Variants in PHF6 observed in about 807,000 individuals in gnomAD.
The protein encoded by PHF6 is PHD finger protein 6.
In PHF6, 7 loss-of-function variants were observed where a neutral mutation model predicts 34.0. The ratio of observed to expected loss-of-function variants is 0.21; its 90% CI spans 0.12 to 0.39. The LOEUF (loss-of-function observed/expected upper bound fraction) is 0.39. PHF6 is among the 10% of genes least tolerant of loss of function. PHF6 has a pLI of 1.00. For synonymous variants in PHF6, 89 were observed against 88.4 expected, an observed-to-expected ratio of 1.01 and a Z score of -0.04; for missense variants, 128 against 262.8, an observed-to-expected ratio of 0.49 and a Z score of 3.55.
At chrX:134,389,951 G>A (rs1472859797) in intron 3 of PHF6, among the ~76,000 whole-genome samples, 2 of 111,371 alleles carry the variant, frequency 1.8e-5, no homozygotes, top group Non-Finnish European at 3.8e-5. Flanking sequence ...ACTTTGTAAG[G>A]CACAGTGTTA....
At chrX:134,375,661 T>C (rs1310147735) in intron 1 of PHF6, among the ~76,000 whole-genome samples, 4 of 111,999 alleles carry the variant, frequency 3.6e-5, no homozygotes, top group South Asian at 3.7e-4. Flanking sequence ...TACATTATTA[T>C]GGTGATTTCA....
At chrX:134,396,834 G>A (rs2077379419) in intron 5 of PHF6, among the ~76,000 whole-genome samples, 1 of 107,316 alleles carries the variant, frequency 9.3e-6, no homozygotes, top group South Asian at 4.1e-4. Context: ...TTTATGATGG[G>A]AGGTTATAGG....
chrX:134,402,507 T>G (rs1179671385), intron 5 of PHF6, among the ~76,000 whole-genome samples: 1 of 111,842 alleles, frequency 8.9e-6, no homozygotes, highest in Non-Finnish European at 1.9e-5. Flanking sequence ...TGGGACAAAT[T>G]ATTTGATCGC....
chrX:134,397,078 T>C (rs981551094), intron 5 of PHF6, among the ~76,000 whole-genome samples: 7 of 110,544 alleles, frequency 6.3e-5, no homozygotes, highest in Admixed American at 1.9e-4. Context: ...TTTTGAAATA[T>C]TAAATTTGAG....
intron 9 of PHF6, among the ~76,000 whole-genome samples, chrX:134,421,161 A>AGAG (rs778948532): frequency 1.1e-4 from 12 of 111,704 alleles, no homozygotes; most frequent in African/African-American, 3.9e-4. Flanking sequence ...AAAGACATGC[A>AGAG]GAGGAAAGCA....
chrX:134,425,095 G>A (rs968838205), intron 9 of PHF6, 106 bp from the exon 10 acceptor site: 6 of 993,348 alleles, frequency 6.0e-6, no homozygotes, highest in Non-Finnish European at 8.5e-6. Flanking sequence ...GTGTGGATGA[G>A]GAAACCCATG....
chrX:134,387,792 G>T (rs2077338276), intron 3 of PHF6, among the ~76,000 whole-genome samples: 1 of 111,494 alleles, frequency 9.0e-6, no homozygotes, highest in Non-Finnish European at 1.9e-5. Context: ...GTTAAATCTA[G>T]TAAAAATTTA....
rs981119234 is a variant in PHF6 at position 134,373,371 on chromosome X, G to C, written c.-143G>C. On this transcript the variant is annotated 5_prime_UTR_variant, in exon 1 of 11. Coordinates refer to ENST00000370803, the MANE Select transcript of PHF6 (RefSeq NM_001015877.2). ...AAAGGAAACAACCTCCGGCGACAGA[G>C]CCCCGCTCTCAGGCACTGCTGGAGA... 1 of 112,908 alleles carries C rather than the reference G, an allele frequency of 8.9e-6. No homozygotes were observed. 9.3% of individuals were successfully genotyped at this position (112,908 alleles called of 1,213,427 possible).
At position 134,426,758 on chromosome X, in the gene PHF6, G is replaced by A. The variant is rs1343844353; in HGVS notation, c.*1098G>A. 2 of 160,239 alleles carry A rather than the reference G, an allele frequency of 1.2e-5. No homozygotes were observed. Among genetic ancestry groups the A allele is most frequent in the Admixed American group, 1.7e-4 (2 of 12,051 alleles). 13.2% of individuals were successfully genotyped at this position (160,239 alleles called of 1,213,427 possible). On this transcript the variant is annotated 3_prime_UTR_variant, in exon 11 of 11. Coordinates refer to ENST00000370803, the MANE Select transcript of PHF6 (RefSeq NM_001015877.2). ...GCCTAAGAACCCAGCTTTTTAGAAAGGATTTTCACACTGGCATTTCTAGGT... is the reference window on the plus strand; with the variant it reads ...GCCTAAGAACCCAGCTTTTTAGAAAAGATTTTCACACTGGCATTTCTAGGT...
chrX:134,381,851 C>G (rs1031570698), intron 3 of PHF6, among the ~76,000 whole-genome samples: 1 of 111,276 alleles, frequency 9.0e-6, no homozygotes, highest in Non-Finnish European at 1.9e-5. Context: ...TCCTGTTCAT[C>G]TGGATTTCTA....
intron 2 of PHF6, 107 bp downstream of exon 2, chrX:134,377,862 C>G: frequency 9.8e-7 from 1 of 1,019,258 alleles, no homozygotes; most frequent in Non-Finnish European, 1.4e-6. Context: ...AAAAAAAACT[C>G]AGTTAAATTT....
At chrX:134,377,981 A>G in intron 2 of PHF6, 24 bp from the exon 3 acceptor site, 2 of 1,103,119 alleles carry the variant, frequency 1.8e-6, no homozygotes, top group Non-Finnish European at 2.5e-6. Flanking sequence ...ATGAACCTTA[A>G]TTTTTTTTAA....
At chrX:134,404,974 G>A (rs899284626) in intron 5 of PHF6, among the ~76,000 whole-genome samples, 1 of 111,541 alleles carries the variant, frequency 9.0e-6, no homozygotes, top group Non-Finnish European at 1.9e-5. Flanking sequence ...GCTTTATTGC[G>A]ATAACTTGCT....
At chrX:134,381,135 G>A (rs950521829) in intron 3 of PHF6, among the ~76,000 whole-genome samples, 3 of 111,705 alleles carry the variant, frequency 2.7e-5, no homozygotes, top group Non-Finnish European at 5.6e-5. Context: ...GGGATTCCAG[G>A]TGTGAGCACT....
intron 1 of PHF6, among the ~76,000 whole-genome samples, 179 bp from the exon 2 acceptor site, chrX:134,377,393 A>T (rs28689186): frequency 8.9e-6 from 1 of 111,973 alleles, no homozygotes; most frequent in Admixed American, 9.5e-5. Flanking sequence ...GAACTTTGTT[A>T]CCCTTCTTAT....
chrX:134,389,816 A>G (rs2077345838), intron 3 of PHF6, among the ~76,000 whole-genome samples: 1 of 111,608 alleles, frequency 9.0e-6, no homozygotes, highest in African/African-American at 3.3e-5. Context: ...AAATATTTTT[A>G]GAAGTAGCTG....
chrX:134,391,473 G>A (rs1203361692), intron 3 of PHF6, among the ~76,000 whole-genome samples: 1 of 111,585 alleles, frequency 9.0e-6, no homozygotes, highest in African/African-American at 3.3e-5. Context: ...TAGAGAGTAT[G>A]TACCAATTTC....
At position 134,428,726 on chromosome X, in the gene PHF6, ATTAG is replaced by A. The variant is rs1211075407; in HGVS notation, c.*3069_*3072del. The A allele has an allele frequency of 1.4e-5, 2 of 138,282 alleles. No homozygotes were observed. Among genetic ancestry groups the A allele is most frequent in the Admixed American group, 8.9e-5 (1 of 11,249 alleles). 11.4% of individuals were successfully genotyped at this position (138,282 alleles called of 1,213,427 possible). ...TATTTTCAAAATTGTAGTTTGTAGTATTAGTTTCCTTTTATTGGTATTCTTGCAT... is the reference window on the plus strand; with the variant it reads ...TATTTTCAAAATTGTAGTTTGTAGTATTTCCTTTTATTGGTATTCTTGCAT... On this transcript the variant is annotated 3_prime_UTR_variant, in exon 11 of 11. Coordinates refer to ENST00000370803, the MANE Select transcript of PHF6 (RefSeq NM_001015877.2).
At chrX:134,421,806 C>T (rs2077492491) in intron 9 of PHF6, among the ~76,000 whole-genome samples, 1 of 88,773 alleles carries the variant, frequency 1.1e-5, no homozygotes, top group African/African-American at 4.5e-5. Flanking sequence ...TATTCGTTTG[C>T]TTTCTTTAAA....
Sources: gnomAD v4.1 joint callset for allele counts (sites outside exome capture counted in the v4.1 genomes callset) on GRCh38, gnomAD v4.1.1 for gene constraint, MANE v1.5 for transcripts, NCBI Gene and HGNC (gene_info 2026-07-23, HGNC 2026-07-21) for gene names.